GLS2: variants seen among roughly 807,000 people sequenced by gnomAD.
The protein encoded by GLS2 is glutaminase liver isoform, mitochondrial.
GLS2 carries 52 observed loss-of-function variants against 79.0 expected under a neutral mutation model. The observed-to-expected ratio is 0.66, with a 90% confidence interval of 0.53 to 0.83. GLS2 has a LOEUF of 0.83. Among genes scored for constraint, GLS2 ranks in the 40% least tolerant of loss-of-function variants. The pLI, the probability that GLS2 is intolerant of heterozygous loss-of-function variation, is 0.00. For missense variants in GLS2, 561 were observed against 764.8 expected, an observed-to-expected ratio of 0.73 and a Z score of 3.14; for synonymous variants, 238 against 280.8, an observed-to-expected ratio of 0.85 and a Z score of 1.52.
chr12:56,481,931 C>A (rs986936120), intron 1 of GLS2, among the ~76,000 whole-genome samples: 1 of 150,454 alleles, frequency 6.6e-6, no homozygotes, highest in African/African-American at 2.5e-5. Context: ...ATCAAAAGCT[C>A]TTTAAAACCT....
chr12:56,480,181 C>T, intron 2 of GLS2, 107 bp downstream of exon 2: 1 of 952,148 alleles, frequency 1.1e-6, no homozygotes. Context: ...TATGCTTCAC[C>T]CTCATGTAGC....
At chr12:56,485,808 G>A (rs1311056311) in intron 1 of GLS2, among the ~76,000 whole-genome samples, 4 of 151,824 alleles carry the variant, frequency 2.6e-5, no homozygotes, top group Non-Finnish European at 5.9e-5. Context: ...TTGGGAGGCC[G>A]AGGCAGGTGG....
rs562471658 is a variant in GLS2 at position 56,471,556 on chromosome 12, T to C, written c.1740A>G (p.Thr580=). 1.2e-6 allele frequency: 2 copies of C among 1,613,876 alleles called. No individual in the cohort carries two copies. Among genetic ancestry groups the C allele is most frequent in the African/African-American group, 1.3e-5 (1 of 74,896 alleles). Reference sequence around the variant, plus strand: ...CTGCCTCAGCCTGAGTTTCAGAGAGTGTGTAGGAGTCCTGGTAATCTTGAA... The same window carrying C: ...CTGCCTCAGCCTGAGTTTCAGAGAGCGTGTAGGAGTCCTGGTAATCTTGAA... The part of the protein sequence containing the change: ...KLLQDYQDSY[T]LSETQAEAAA... Residue 580 remains threonine, a synonymous_variant, in exon 18 of 18, where the codon ACA becomes ACG. Transcript: ENST00000311966.
At position 56,488,029 on chromosome 12, in the gene GLS2, G is replaced by A. The variant is rs1277520436; in HGVS notation, c.90C>T (p.Pro30=). ...RGGWGHPSRS[P]LLGGGVRHHL... The stretch of plus-strand genomic sequence containing the variant: ...GGTGCCGGACGCCCCCGCCAAGGAG[G>A]GGGCTCCGGCTCGGGTGACCCCAGC... The change falls in exon 1 of 18, where the codon CCC becomes CCT. Residue 30 remains proline (P), a synonymous_variant. Coordinates refer to ENST00000311966, the MANE Select transcript of GLS2 (RefSeq NM_013267.4). 6.3e-7 allele frequency: 1 copy of A among 1,595,458 alleles called. No individual in the cohort carries two copies. The highest frequency in any genetic ancestry group is 2.2e-5 in the East Asian group (1 of 44,714).
At chr12:56,475,260 T>C (rs1869703907) in intron 9 of GLS2, 150 bp from the exon 10 acceptor site, 2 of 1,557,372 alleles carry the variant, frequency 1.3e-6, no homozygotes, top group African/African-American at 1.4e-5. Flanking sequence ...TTAGAGGAAA[T>C]TTCTGAACCT....
At chr12:56,474,813 C>A (rs1450447819) in intron 11 of GLS2, 33 bp downstream of exon 11, 1 of 1,614,080 alleles carries the variant, frequency 6.2e-7, no homozygotes, top group East Asian at 2.2e-5. Context: ...ACAGTCTGTC[C>A]TGTTCCCTCG....
chr12:56,479,342 T>C (rs1565706074), intron 3 of GLS2, 161 bp from the exon 4 acceptor site: 1 of 782,918 alleles, frequency 1.3e-6, no homozygotes, highest in Non-Finnish European at 1.9e-6. Context: ...TAGGTCTTAG[T>C]TTCCGTACCT....
At chr12:56,475,902 C>G (rs771068481) in intron 8 of GLS2, 43 bp downstream of exon 8, 1 of 1,609,756 alleles carries the variant, frequency 6.2e-7, no homozygotes, top group African/African-American at 1.3e-5. Context: ...GACAGCATGC[C>G]ATGGCGAAAT....
At chr12:56,474,808 C>T (rs377211150) in intron 11 of GLS2, 38 bp downstream of exon 11, 28 of 1,613,286 alleles carry the variant, frequency 1.7e-5, no homozygotes, top group Non-Finnish European at 2.2e-5. Context: ...CAAGGACAGT[C>T]TGTCCTGTTC....
In GLS2 at chr12:56,487,921, G is replaced by A. The variant is rs1365589095; in HGVS notation, c.182+16C>T. 7 of 1,600,314 alleles carry A rather than the reference G, an allele frequency of 4.4e-6. No individual in the cohort carries two copies. The highest frequency in any genetic ancestry group is 5.9e-6 in the Non-Finnish European group (7 of 1,179,186). On this transcript the variant is annotated intron_variant, in intron 1 of 17. Transcript: ENST00000311966. Reference sequence around the variant, plus strand: ...TGGGGGCAAGCCCGTCCCCTGCCCTGTCCCAGGAGCCTTACTGATCCTGGT... The same window carrying A: ...TGGGGGCAAGCCCGTCCCCTGCCCTATCCCAGGAGCCTTACTGATCCTGGT...
chr12:56,474,516 CAGAT>C (rs777007837), intron 12 of GLS2, 24 bp downstream of exon 12: 36 of 1,612,430 alleles, frequency 2.2e-5, no homozygotes, highest in Admixed American at 1.2e-4. Context: ...GGGCTCATGA[CAGAT>C]GGATAGCAGA....
At chr12:56,483,999 T>A (rs1172411848) in intron 1 of GLS2, among the ~76,000 whole-genome samples, 1 of 152,094 alleles carries the variant, frequency 6.6e-6, no homozygotes, top group Non-Finnish European at 1.5e-5. Context: ...TGGCTGGGCA[T>A]GGTGGCTCAT....
At chr12:56,475,720 T>A in intron 8 of GLS2, 38 bp from the exon 9 acceptor site, 1 of 1,607,498 alleles carries the variant, frequency 6.2e-7, no homozygotes, top group Non-Finnish European at 8.5e-7. Flanking sequence ...TCCACTTGGT[T>A]AAGAAGCTCT....
At chr12:56,478,307 A>T (rs372998043) in intron 4 of GLS2, 45 bp from the exon 5 acceptor site, 17 of 1,587,462 alleles carry the variant, frequency 1.1e-5, no homozygotes, top group Non-Finnish European at 1.4e-5. Context: ...TGTGGAGAAG[A>T]GGAACAGAGT....
chr12:56,473,714 C>T, intron 12 of GLS2, 120 bp from the exon 13 acceptor site: 2 of 1,281,414 alleles, frequency 1.6e-6, no homozygotes, highest in South Asian at 3.6e-5. Context: ...CCACCTCAAC[C>T]TTTTGGCTTG....
Position 56,471,626 on chromosome 12 carries a change from A to AG in GLS2, c.1669dup (p.Leu557ProfsTer3). 1.2e-6 allele frequency: 2 copies of AG among 1,614,122 alleles called. No homozygotes were observed. Among genetic ancestry groups the AG allele is most frequent in the Non-Finnish European group, 1.7e-6 (2 of 1,179,992 alleles). Reference sequence around the variant, plus strand: ...ATGGTTGAACTGCACAGCATCATCCAGGGGAATGTTGCCCCACCTGAGAGG... The same window carrying AG: ...ATGGTTGAACTGCACAGCATCATCCAGGGGGAATGTTGCCCCACCTGAGAGG... On this transcript the variant is annotated frameshift_variant, in exon 18 of 18. Transcript: ENST00000311966. LOFTEE classifies it high-confidence loss of function.
intron 1 of GLS2, 80 bp downstream of exon 1, chr12:56,487,857 G>T: frequency 6.8e-7 from 1 of 1,466,974 alleles, no homozygotes; most frequent in Non-Finnish European, 9.1e-7. Flanking sequence ...GCGCTGCCTT[G>T]GAAGGGCACT....
intron 4 of GLS2, 63 bp downstream of exon 4, chr12:56,478,989 A>G (rs1870068979): frequency 1.6e-6 from 1 of 622,414 alleles, no homozygotes; most frequent in Non-Finnish European, 2.0e-6. Flanking sequence ...GTCTCAGGAA[A>G]AAAAAAAAAA....
At chr12:56,472,841 A>G (rs1343740764) in intron 14 of GLS2, 90 bp from the exon 15 acceptor site, 2 of 1,016,950 alleles carry the variant, frequency 2.0e-6, no homozygotes, top group African/African-American at 1.6e-5. Context: ...GCTTAGTCCA[A>G]GGGTATTGCT....
Sources: gnomAD v4.1 joint callset for allele counts (sites outside exome capture counted in the v4.1 genomes callset) on GRCh38, gnomAD v4.1.1 for gene constraint, MANE v1.5 for transcripts, NCBI Gene and HGNC (gene_info 2026-07-23, HGNC 2026-07-21) for gene names.